The following KCNH1 variants were observed in gnomAD, a reference collection of about 807,000 sequenced individuals.
KCNH1 encodes the protein potassium voltage-gated channel subfamily H member 1.
KCNH1 carries 27 observed loss-of-function variants against 69.2 expected under a neutral mutation model. The ratio of observed to expected loss-of-function variants is 0.39; its 90% CI spans 0.29 to 0.54. The LOEUF is 0.54. Ranked by LOEUF, KCNH1 falls within the 20% of genes least tolerant of loss-of-function variation. KCNH1 has a pLI of 0.68. For missense variants in KCNH1, 798 were observed against 1,261.6 expected, an observed-to-expected ratio of 0.63 and a Z score of 5.57; for synonymous variants, 456 against 487.7, an observed-to-expected ratio of 0.93 and a Z score of 0.86.
Position 211,125,187 on chromosome 1 carries a change from G to A in KCNH1, c.79+8680C>T, listed in dbSNP as rs770740947. On this transcript the variant is annotated intron_variant, in intron 1 of 10. Coordinates refer to ENST00000271751, the MANE Select transcript of KCNH1 (RefSeq NM_172362.3). ...CAACCTCTCTCTTGCTTCCCATTTC[G>A]TGTGGTGTACCCCACAAGCTGAAGG... Among the ~76,000 whole-genome samples the A allele has an allele frequency of 5.9e-5, 9 of 152,160 alleles. 1 individual carries two copies. The highest frequency in any genetic ancestry group is 1.3e-4 in the Admixed American group (2 of 15,282).
chr1:211,034,301 C>A (rs1437475943), intron 5 of KCNH1, among the ~76,000 whole-genome samples: 5 of 151,578 alleles, frequency 3.3e-5, no homozygotes, highest in African/African-American at 1.2e-4. Context: ...GATGAATCTC[C>A]AGAGACTGAA....
chr1:210,735,262 C>G (rs1261530461), intron 10 of KCNH1, among the ~76,000 whole-genome samples: 1 of 152,154 alleles, frequency 6.6e-6, no homozygotes, highest in African/African-American at 2.4e-5. Context: ...AGCGTACACC[C>G]CAGGCATCAC....
intron 5 of KCNH1, among the ~76,000 whole-genome samples, chr1:211,039,841 C>T (rs1208738529): frequency 1.3e-5 from 2 of 152,088 alleles, no homozygotes; most frequent in South Asian, 4.2e-4. Flanking sequence ...AAGGGACTTG[C>T]CTTGTCTCAG....
In KCNH1 at chr1:210,919,542, A is replaced by C; in HGVS notation, c.1462+98T>G. The C allele has an allele frequency of 8.7e-7, 1 of 1,148,330 alleles. No individual in the cohort carries two copies. The highest frequency in any genetic ancestry group is 2.4e-5 in the East Asian group (1 of 42,400). 71.1% of individuals were successfully genotyped at this position (1,148,330 alleles called of 1,614,324 possible). ...CTTAAAAAAACTCTTCCTTGTTTTA[A>C]GTTATTATTCTCCTGATCCTGCTGG... is the stretch of plus-strand genomic sequence containing the variant. On this transcript the variant is annotated intron_variant, in intron 7 of 10. Coordinates refer to ENST00000271751, the MANE Select transcript of KCNH1 (RefSeq NM_172362.3). This position sits in a 1 kb window ranked among gnomAD's most constrained non-coding sequence, Gnocchi z 4.2.
intron 10 of KCNH1, among the ~76,000 whole-genome samples, chr1:210,766,733 GC>G (rs1683642211): frequency 6.6e-6 from 1 of 152,158 alleles, no homozygotes; most frequent in Admixed American, 6.5e-5. Context: ...AAAGTAAATT[GC>G]CAACAACAAA....
chr1:210,801,304 T>C (rs1353084916), intron 8 of KCNH1, among the ~76,000 whole-genome samples: 8 of 152,162 alleles, frequency 5.3e-5, no homozygotes, highest in African/African-American at 1.7e-4. Context: ...TCCCTGGTTA[T>C]CACTGACCAT....
chr1:210,949,006 T>C (rs1048984084), intron 6 of KCNH1, among the ~76,000 whole-genome samples: 6 of 152,180 alleles, frequency 3.9e-5, no homozygotes, highest in African/African-American at 1.4e-4. Context: ...AAACCATTCT[T>C]AGCTCATGGG....
intron 6 of KCNH1, among the ~76,000 whole-genome samples, chr1:211,008,856 AAGG>A (rs1360299866): frequency 1.3e-5 from 2 of 152,200 alleles, no homozygotes; most frequent in African/African-American, 4.8e-5. Flanking sequence ...ATTCTACTGA[AAGG>A]AGATTAGCTA....
chr1:211,131,940 C>T (rs1367832255), intron 1 of KCNH1, among the ~76,000 whole-genome samples: 1 of 152,176 alleles, frequency 6.6e-6, no homozygotes, highest in Non-Finnish European at 1.5e-5. Context: ...ATTCTATTCA[C>T]ATTCTATGAT....
At chr1:211,097,257 A>G (rs988807511) in intron 3 of KCNH1, among the ~76,000 whole-genome samples, 2 of 152,220 alleles carry the variant, frequency 1.3e-5, no homozygotes, top group Non-Finnish European at 2.9e-5. Context: ...ATATATAAAA[A>G]TAAATTCCAA....
chr1:210,696,754 T>C (rs550175003), intron 10 of KCNH1, among the ~76,000 whole-genome samples: 69 of 152,352 alleles, frequency 4.5e-4, no homozygotes, highest in Non-Finnish European at 9.0e-4. Context: ...TCTTCCTTGC[T>C]ACTCAGTCTA....
At chr1:211,009,367 G>T (rs1204698346) in intron 6 of KCNH1, among the ~76,000 whole-genome samples, 1 of 152,154 alleles carries the variant, frequency 6.6e-6, no homozygotes, top group African/African-American at 2.4e-5. Flanking sequence ...CTTTCTAGGA[G>T]TCTTTCAGTT....
intron 6 of KCNH1, among the ~76,000 whole-genome samples, chr1:210,934,538 C>T (rs1245274828): frequency 6.6e-6 from 1 of 152,016 alleles, no homozygotes; most frequent in African/African-American, 2.4e-5. Flanking sequence ...ACTTGGGAGG[C>T]TGAGGCAGAA....
chr1:210,987,259 A>G (rs1019342555), intron 6 of KCNH1, among the ~76,000 whole-genome samples: 2 of 151,960 alleles, frequency 1.3e-5, no homozygotes, highest in Non-Finnish European at 2.9e-5. Context: ...TAGTTTGATC[A>G]TCTGAAGCCT....
intron 9 of KCNH1, among the ~76,000 whole-genome samples, chr1:210,782,595 G>A (rs1056042866): frequency 3.3e-5 from 5 of 151,998 alleles, no homozygotes; most frequent in East Asian, 1.9e-4. Context: ...GTGTGGTGGC[G>A]AGCACTTGTA....
intron 10 of KCNH1, among the ~76,000 whole-genome samples, chr1:210,747,781 C>G (rs996406286): frequency 1.3e-5 from 2 of 152,054 alleles, no homozygotes; most frequent in African/African-American, 4.8e-5. Flanking sequence ...TTCATTAGTT[C>G]TAATTTGGCT....
At chr1:210,745,782 G>T (rs1400207086) in intron 10 of KCNH1, among the ~76,000 whole-genome samples, 1 of 152,186 alleles carries the variant, frequency 6.6e-6, no homozygotes, top group Non-Finnish European at 1.5e-5. Context: ...GCTTTTCAGG[G>T]GAGGCCTTAG....
At chr1:210,890,782 T>C (rs1490614955) in intron 7 of KCNH1, among the ~76,000 whole-genome samples, 2 of 151,592 alleles carry the variant, frequency 1.3e-5, no homozygotes, top group Non-Finnish European at 2.9e-5. Context: ...AACAAACATA[T>C]GAAAGAAAAG....
intron 6 of KCNH1, among the ~76,000 whole-genome samples, chr1:210,997,991 C>T (rs1427845812): frequency 6.6e-6 from 1 of 152,092 alleles, no homozygotes; most frequent in Admixed American, 6.6e-5. Context: ...CAGGCCTGCC[C>T]TAAAAGAGCT....
Sources: gnomAD v4.1 joint callset for allele counts (sites outside exome capture counted in the v4.1 genomes callset) on GRCh38, gnomAD v4.1.1 for gene constraint, Gnocchi (gnomAD v3.1) non-coding constraint, MANE v1.5 for transcripts, NCBI Gene and HGNC (gene_info 2026-07-23, HGNC 2026-07-21) for gene names.